The following NIPA2 variants were observed in gnomAD, a reference collection of about 807,000 sequenced individuals.
The protein encoded by NIPA2 is NIPA magnesium transporter 2.
NIPA2 carries 11 observed loss-of-function variants against 29.7 expected under a neutral mutation model. That is an observed-to-expected ratio of 0.37 (90% CI 0.23 to 0.61). The LOEUF (loss-of-function observed/expected upper bound fraction) is 0.61, where lower values mean the gene tolerates loss of function less well. NIPA2 is among the 20% of genes least tolerant of loss of function. The pLI is 0.66. For missense variants in NIPA2, 426 were observed against 437.9 expected (o/e 0.97, Z 0.24); for synonymous variants, 183 against 161.9 (o/e 1.13, Z -0.99).
At chr15:22,862,408 G>C (rs989331086) in intron 7 of NIPA2, among the ~76,000 whole-genome samples, 1 of 152,072 alleles carries the variant, frequency 6.6e-6, no homozygotes, top group African/African-American at 2.4e-5. Context: ...TGATATTCTT[G>C]TTTGCTCTTT....
Position 22,860,668 on chromosome 15 carries a change from T to C in NIPA2, c.327T>C (p.Asn109=), listed in dbSNP as rs2058555344. 6.3e-7 allele frequency: 1 copy of C among 1,596,176 alleles called. No individual in the cohort carries two copies. The highest frequency in any genetic ancestry group is 8.5e-7 in the Non-Finnish European group (1 of 1,174,144). ...LSSYFLNERL[N]LHGKIGCLLS... ...CATACTTTCTCAATGAAAGACTTAA[T>C]CTTCATGGGAAAATTGGGTGTTTGC... Residue 109 remains asparagine, a synonymous_variant, in exon 7 of 8, where the codon AAT becomes AAC. Transcript: ENST00000337451.
chr15:22,865,287 C>A (rs1456713582), intron 7 of NIPA2, among the ~76,000 whole-genome samples: 1 of 151,868 alleles, frequency 6.6e-6, no homozygotes, highest in Non-Finnish European at 1.5e-5. Context: ...GAGATGGAGA[C>A]CATCCTGACT....
chr15:22,855,332 G>C (rs1329909386), intron 5 of NIPA2, among the ~76,000 whole-genome samples: 1 of 151,980 alleles, frequency 6.6e-6, no homozygotes, highest in East Asian at 1.9e-4. Context: ...CAGGAGAATC[G>C]CTTGGACCTG....
At chr15:22,865,070 T>C (rs1241777069) in intron 7 of NIPA2, among the ~76,000 whole-genome samples, 1 of 151,970 alleles carries the variant, frequency 6.6e-6, no homozygotes, top group Non-Finnish European at 1.5e-5. Flanking sequence ...CCATGTTGGC[T>C]AGGCTGGTCT....
At chr15:22,863,536 C>T (rs932126721) in intron 7 of NIPA2, among the ~76,000 whole-genome samples, 2 of 152,220 alleles carry the variant, frequency 1.3e-5, no homozygotes, top group Non-Finnish European at 2.9e-5. Flanking sequence ...CTGTGGCCTC[C>T]TGGCCGGGCT....
intron 5 of NIPA2, among the ~76,000 whole-genome samples, chr15:22,856,917 G>T (rs2058219350): frequency 6.6e-6 from 1 of 152,292 alleles, no homozygotes; most frequent in East Asian, 1.9e-4. Flanking sequence ...CCCTGTGTAG[G>T]ATTCCTCAGT....
intron 3 of NIPA2, 111 bp from the exon 4 acceptor site, chr15:22,851,528 A>C (rs1311119578): frequency 2.8e-6 from 1 of 351,484 alleles, no homozygotes; most frequent in African/African-American, 2.1e-5. Context: ...AATATTAGTA[A>C]TGAAGGAGCT....
At position 22,867,019 on chromosome 15, in the gene NIPA2, G is replaced by A; in HGVS notation, c.*172G>A. ...TTTTCTTGTATTTAAACAAACAATGGTAGCTCACTAAAATGACCTCAGCAC... is the reference window on the plus strand; with the variant it reads ...TTTTCTTGTATTTAAACAAACAATGATAGCTCACTAAAATGACCTCAGCAC... On this transcript the variant is annotated 3_prime_UTR_variant, in exon 8 of 8. Coordinates refer to ENST00000337451, the MANE Select transcript of NIPA2 (RefSeq NM_030922.7). 1 of 608,680 alleles carries A rather than the reference G, an allele frequency of 1.6e-6. No individual in the cohort carries two copies. Among genetic ancestry groups the A allele is most frequent in the East Asian group, 2.9e-5 (1 of 34,996 alleles). 37.7% of individuals were successfully genotyped at this position (608,680 alleles called of 1,614,324 possible).
intron 6 of NIPA2, among the ~76,000 whole-genome samples, chr15:22,859,290 C>CTTTTT (rs60644942): frequency 1.4e-3 from 137 of 97,086 alleles, no homozygotes; most frequent in Non-Finnish European, 1.8e-3. Context: ...ATTTCTTTTT[C>CTTTTT]TTTTTTTTTT....
chr15:22,859,814 AC>A (rs2058493813), intron 6 of NIPA2, among the ~76,000 whole-genome samples: 1 of 151,948 alleles, frequency 6.6e-6, no homozygotes, highest in South Asian at 2.1e-4. Flanking sequence ...ATTGCCCTTT[AC>A]CCTTAATTTT....
At position 22,838,941 on chromosome 15, in the gene NIPA2, C is replaced by G. The variant is rs765678372; in HGVS notation, c.-352+20C>G. 6.6e-6 allele frequency: 1 copy of G among 152,216 alleles called. No individual in the cohort carries two copies. Among genetic ancestry groups the G allele is most frequent in the Non-Finnish European group, 1.5e-5 (1 of 68,036 alleles). 9.4% of individuals were successfully genotyped at this position (152,216 alleles called of 1,614,324 possible). A position where few individuals can be genotyped will look rare whatever the true frequency, so the allele number is the denominator to read the frequency against. On this transcript the variant is annotated intron_variant, in intron 1 of 7. Coordinates refer to ENST00000337451, the MANE Select transcript of NIPA2 (RefSeq NM_030922.7). ...ACTAGGGTGAGGTCGCCACTCCTTC[C>G]TTTCAGGCAAGCGCGAAGGGGCTGA...
chr15:22,842,984 C>T (rs940065789), intron 2 of NIPA2, among the ~76,000 whole-genome samples: 4 of 147,190 alleles, frequency 2.7e-5, no homozygotes, highest in Non-Finnish European at 4.5e-5. Context: ...GCCTGGGCAA[C>T]AGAGTGAGAC....
At chr15:22,858,159 C>T (rs368336622) in intron 5 of NIPA2, among the ~76,000 whole-genome samples, 21 of 152,092 alleles carry the variant, frequency 1.4e-4, no homozygotes, top group East Asian at 5.8e-4. Context: ...TTTGGGAGGC[C>T]GAGGCGGGCA....
intron 3 of NIPA2, among the ~76,000 whole-genome samples, chr15:22,845,722 G>T (rs1334457150): frequency 6.6e-6 from 1 of 152,010 alleles, no homozygotes; most frequent in Admixed American, 6.6e-5. Flanking sequence ...GAGGGTGTCA[G>T]GTTTCTGTGT....
intron 2 of NIPA2, among the ~76,000 whole-genome samples, chr15:22,842,611 C>T (rs773828333): frequency 5.9e-5 from 9 of 151,768 alleles, no homozygotes; most frequent in Non-Finnish European, 1.2e-4. Context: ...GAAGGATCAC[C>T]CGAGGTCAGG....
At position 22,867,705 on chromosome 15, in the gene NIPA2, T is replaced by TAA. The variant is rs998848199; in HGVS notation, c.*862_*863dup. On this transcript the variant is annotated 3_prime_UTR_variant, in exon 8 of 8. Transcript: ENST00000337451. The stretch of plus-strand genomic sequence containing the variant: ...TTCTTAAATTTAGCTCATGTTATAA[T>TAA]AAAAAGTTGAAATGAAGTTCTTATT... 2 of 152,344 alleles carry TAA rather than the reference T, an allele frequency of 1.3e-5. No individual in the cohort carries two copies. The highest frequency in any genetic ancestry group is 2.9e-5 in the Non-Finnish European group (2 of 68,158). The allele number at this position is 152,344 out of a possible 1,614,324, so 9.4% of individuals were successfully genotyped here. A position where few individuals can be genotyped will look rare whatever the true frequency, so the allele number is the denominator to read the frequency against.
chr15:22,866,672 G>A lies in NIPA2; in HGVS notation c.908G>A (p.Ser303Asn), dbSNP rs757583895. ...TTGTTGCATGCCTTTAAAGACGTCA[G>A]CTTTAGTCTAGCAAGTCTGCCTGTG... Reference protein sequence around the residue: ...IFLLHAFKDVSFSLASLPVSF... With the variant: ...IFLLHAFKDVNFSLASLPVSF... The change falls in exon 8 of 8, where the codon AGC (serine) becomes AAC (asparagine). Residue 303 changes from serine (S) to asparagine (N), a missense_variant. Ser to Asn is a conservative substitution (Grantham distance 46, BLOSUM62 1). Transcript: ENST00000337451. 6.2e-7 allele frequency: 1 copy of A among 1,614,084 alleles called. No individual in the cohort carries two copies. The highest frequency in any genetic ancestry group is 2.2e-5 in the East Asian group (1 of 44,874).
At chr15:22,862,141 G>A (rs914581799) in intron 7 of NIPA2, among the ~76,000 whole-genome samples, 9 of 144,278 alleles carry the variant, frequency 6.2e-5, no homozygotes, top group African/African-American at 2.0e-4. Flanking sequence ...TCCGCCTCTT[G>A]GGTTCAAGTT....
intron 5 of NIPA2, among the ~76,000 whole-genome samples, chr15:22,856,441 T>C (rs1397231664): frequency 6.6e-6 from 1 of 151,896 alleles, no homozygotes; most frequent in Non-Finnish European, 1.5e-5. Context: ...GGAAATTAGA[T>C]AGTAGAGAGT....
Sources: gnomAD v4.1 joint callset for allele counts (sites outside exome capture counted in the v4.1 genomes callset) on GRCh38, gnomAD v4.1.1 for gene constraint, MANE v1.5 for transcripts, NCBI Gene and HGNC (gene_info 2026-07-23, HGNC 2026-07-21) for gene names.